PLEKHA5: variants seen among roughly 807,000 people sequenced by gnomAD.
PLEKHA5 encodes the protein pleckstrin homology domain containing A5, also known as pleckstrin homology domain-containing family A member 5.
Under a neutral mutation model 181.9 loss-of-function variants are expected in PLEKHA5, and 55 were observed. The observed-to-expected ratio is 0.30, with a 90% CI of 0.24 to 0.38. The LOEUF (loss-of-function observed/expected upper bound fraction) is 0.38, where lower values mean the gene tolerates loss of function less well. Among genes scored for constraint, PLEKHA5 ranks in the 10% least tolerant of loss-of-function variants. The probability of loss-of-function intolerance (pLI) is 1.00; values close to 1 mark genes in which losing one functional copy is unlikely to be tolerated. For synonymous variants in PLEKHA5, 535 were observed against 529.4 expected (o/e 1.01, Z -0.15); for missense variants, 1,432 against 1,549.5 (o/e 0.92, Z 1.27).
chr12:19,307,386 C>CCAG (rs2084342226), intron 15 of PLEKHA5: 2 of 268,910 alleles, frequency 7.4e-6, no homozygotes. Context: ...GCAGGAGAAT[C>CCAG]GCCTGAATCC....
In PLEKHA5 at chr12:19,300,972, T is replaced by TAA. The variant is rs57234099; in HGVS notation, c.2037+9295_2037+9296dup. ...CAACATGGAGAAACCCCATCTCTAC[T>TAA]AAAAAAAAAAAAAAAAAAAAATACA... is the stretch of plus-strand genomic sequence containing the variant. On this transcript the variant is annotated intron_variant, in intron 15 of 31. Coordinates refer to ENST00000429027, the MANE Select transcript of PLEKHA5 (RefSeq NM_001256470.2). 1.1e-4 allele frequency among the ~76,000 whole-genome samples: 14 copies of TAA among 127,614 alleles called. No individual in the cohort carries two copies. In the East Asian group the frequency reaches 3.2e-3, roughly 30 times the overall value. The allele number at this position is 127,614 out of a possible 152,430, so 83.7% of individuals were successfully genotyped here. A position where few individuals can be genotyped will look rare whatever the true frequency, so the allele number is the denominator to read the frequency against.
intron 8 of PLEKHA5, among the ~76,000 whole-genome samples, chr12:19,266,747 G>GT (rs2070581035): frequency 1.3e-5 from 2 of 152,020 alleles, no homozygotes; most frequent in South Asian, 4.1e-4. Context: ...TTGCACCACT[G>GT]TACTCCAGCC....
chr12:19,276,970 G>C (rs1487647433), intron 11 of PLEKHA5, among the ~76,000 whole-genome samples: 1 of 151,984 alleles, frequency 6.6e-6, no homozygotes, highest in African/African-American at 2.4e-5. Flanking sequence ...GAAACAATTA[G>C]GCATTATTTT....
In PLEKHA5 at chr12:19,202,852, C is replaced by T. The variant is rs188328434; in HGVS notation, c.228-51088C>T. 2.1e-3 allele frequency among the ~76,000 whole-genome samples: 312 copies of T among 152,178 alleles called. 1 individual carries two copies. Among genetic ancestry groups the T allele is most frequent in the Non-Finnish European group, 3.3e-3 (224 of 67,972 alleles). On this transcript the variant is annotated intron_variant, in intron 3 of 31. Transcript: ENST00000429027. ...CATCCTCATGTATCAGTTACAAATG[C>T]ACTGTCCTACCTGCGTTAGGACAAA...
At chr12:19,221,348 TA>T (rs566373831) in intron 3 of PLEKHA5, among the ~76,000 whole-genome samples, 86 of 152,184 alleles carry the variant, frequency 5.7e-4, no homozygotes, top group African/African-American at 2.0e-3. Context: ...AAAAATGACA[TA>T]AATGGGTCTT....
At position 19,287,122 on chromosome 12, in the gene PLEKHA5, C is replaced by T. The variant is rs2077389485; in HGVS notation, c.1780-351C>T. On this transcript the variant is annotated intron_variant, in intron 12 of 31. Transcript: ENST00000429027. ...AAGCACTTGTCCCACGTCAGCCTTC[C>T]GAGTAGCTAGGATTACAGGCCCACG... is the stretch of plus-strand genomic sequence containing the variant. 2.0e-5 allele frequency among the ~76,000 whole-genome samples: 3 copies of T among 152,020 alleles called. No homozygotes were observed. The South Asian group carries it at 6.2e-4, about 32-fold the overall frequency.
At chr12:19,191,739 T>C (rs1407293418) in intron 3 of PLEKHA5, among the ~76,000 whole-genome samples, 1 of 152,206 alleles carries the variant, frequency 6.6e-6, no homozygotes, top group Non-Finnish European at 1.5e-5. Flanking sequence ...ATGAGCCTTA[T>C]GAGCTTAAGG....
chr12:19,267,050 T>G lies in PLEKHA5; in HGVS notation c.711+1200T>G, dbSNP rs554262428. 2.8e-4 allele frequency among the ~76,000 whole-genome samples: 43 copies of G among 152,298 alleles called. No homozygotes were observed. The Middle Eastern group carries it at 0.01, about 36-fold the overall frequency. On this transcript the variant is annotated intron_variant, in intron 8 of 31. Transcript: ENST00000429027. ...CAATCTTTGTGGTATTACTGGTTTG[T>G]GGATCACTCTCAAGTAAGAGGTCTT... is the stretch of plus-strand genomic sequence containing the variant.
chr12:19,371,555 TATG>T (rs776567800), intron 31 of PLEKHA5: 2 of 174,792 alleles, frequency 1.1e-5, no homozygotes, highest in African/African-American at 4.8e-5. Flanking sequence ...AGTGAGAACA[TATG>T]ATATTTGGTT....
Position 19,345,843 on chromosome 12 carries a change from T to C in PLEKHA5, c.2664T>C (p.Gly888=), listed in dbSNP as rs773331529. The C allele has an allele frequency of 2.1e-6, 3 of 1,408,204 alleles. No homozygotes were observed. Among genetic ancestry groups the C allele is most frequent in the East Asian group, 2.3e-5 (1 of 43,510 alleles). 87.2% of individuals were successfully genotyped at this position (1,408,204 alleles called of 1,614,324 possible). Residue 888 remains glycine, a splice_region_variant and synonymous_variant, in exon 23 of 32, where the codon GGT becomes GGC. Transcript: ENST00000429027. ...AGTTACGTTTTCTAATATTCCCAGG[T>C]ATGATAGGATCAAAGCCTTTCTCAA... ...HKQQRGTTEI[G]MIGSKPFSTV...
rs753085665 is a variant in PLEKHA5 at position 19,253,985 on chromosome 12, A to G, written c.273A>G (p.Gln91=). 1 of 1,608,804 alleles carries G rather than the reference A, an allele frequency of 6.2e-7. No homozygotes were observed. Among genetic ancestry groups the G allele is most frequent in the Non-Finnish European group, 8.5e-7 (1 of 1,177,030 alleles). ...CCTGCAAACATCCAGTCACAGGACA[A>G]CCATCACAGGACAATTGTATTTTTG... is the stretch of plus-strand genomic sequence containing the variant. The part of the protein sequence containing the change: ...KVTCKHPVTG[Q]PSQDNCIFVV... Residue 91 remains glutamine (Q), a synonymous_variant, in exon 4 of 32, where the codon CAA becomes CAG. Coordinates refer to ENST00000429027, the MANE Select transcript of PLEKHA5 (RefSeq NM_001256470.2).
At chr12:19,204,321 G>A (rs560998228) in intron 3 of PLEKHA5, among the ~76,000 whole-genome samples, 71 of 152,240 alleles carry the variant, frequency 4.7e-4, no homozygotes, top group Middle Eastern at 6.8e-3. Flanking sequence ...CTTGGTGCAT[G>A]TCAAGTGTTC....
intron 3 of PLEKHA5, among the ~76,000 whole-genome samples, chr12:19,196,824 T>C: frequency 6.6e-6 from 1 of 150,568 alleles, no homozygotes; most frequent in Middle Eastern, 3.4e-3. Flanking sequence ...TTTTTTTTTT[T>C]TTTTAGAGAA....
chr12:19,206,626 A>C (rs17341969), intron 3 of PLEKHA5, among the ~76,000 whole-genome samples: 4,241 of 152,216 alleles, frequency 0.028, 74 homozygotes, highest in Middle Eastern at 0.082. Flanking sequence ...GTACCTTCAA[A>C]TGCCAGGCAA....
At chr12:19,236,286 A>G (rs1049443363) in intron 3 of PLEKHA5, among the ~76,000 whole-genome samples, 2 of 152,184 alleles carry the variant, frequency 1.3e-5, no homozygotes, top group East Asian at 3.9e-4. Flanking sequence ...TTTGAATCCT[A>G]TTTAATCACT....
intron 7 of PLEKHA5, among the ~76,000 whole-genome samples, chr12:19,265,296 A>G (rs2069963763): frequency 6.6e-6 from 1 of 152,218 alleles, no homozygotes; most frequent in African/African-American, 2.4e-5. Flanking sequence ...GGAGGTATTG[A>G]GAGTAGGCAA....
At chr12:19,184,255 C>A (rs913783826) in intron 3 of PLEKHA5, among the ~76,000 whole-genome samples, 5 of 152,122 alleles carry the variant, frequency 3.3e-5, no homozygotes, top group African/African-American at 1.2e-4. Context: ...TGGTAGCAGT[C>A]TTGTTGCCTA....
intron 18 of PLEKHA5, among the ~76,000 whole-genome samples, chr12:19,321,962 CT>C (rs2153044679): frequency 6.6e-6 from 1 of 152,104 alleles, no homozygotes; most frequent in South Asian, 2.1e-4. Context: ...CACTAAAACC[CT>C]GATGAAAGTT....
intron 11 of PLEKHA5, among the ~76,000 whole-genome samples, chr12:19,281,923 A>G (rs1049044811): frequency 4.6e-5 from 7 of 152,134 alleles, no homozygotes; most frequent in South Asian, 2.1e-4. Flanking sequence ...CTGGGACTAC[A>G]GGCACCTGCC....
Sources: allele counts gnomAD v4.1 joint callset (sites outside exome capture counted in the v4.1 genomes callset), GRCh38; gene constraint gnomAD v4.1.1; transcripts MANE v1.5; gene names NCBI Gene and HGNC (gene_info 2026-07-23, HGNC 2026-07-21).